JAM3: variants seen among roughly 807,000 people sequenced by gnomAD.
The protein encoded by JAM3 is junctional adhesion molecule C.
In JAM3, 31 loss-of-function variants were observed where a neutral mutation model predicts 39.4. The ratio of observed to expected loss-of-function variants is 0.79; its 90% confidence interval spans 0.59 to 1.06. The LOEUF (loss-of-function observed/expected upper bound fraction) is 1.06, where lower values mean the gene tolerates loss of function less well. JAM3 is among the 50% of genes least tolerant of loss of function. The pLI is 0.00. For synonymous variants in JAM3, 182 were observed against 148.7 expected, an observed-to-expected ratio of 1.22 and a Z score of -1.63; for missense variants, 455 against 391.4, an observed-to-expected ratio of 1.16 and a Z score of -1.37.
intron 1 of JAM3, among the ~76,000 whole-genome samples, chr11:134,073,138 C>G (rs1941510324): frequency 6.6e-6 from 1 of 152,110 alleles, no homozygotes; most frequent in Non-Finnish European, 1.5e-5. Flanking sequence ...AGAGCTAAAG[C>G]CTTAATTGAC....
At chr11:134,096,502 A>ATTATG (rs756197309) in intron 1 of JAM3, among the ~76,000 whole-genome samples, 7 of 152,016 alleles carry the variant, frequency 4.6e-5, no homozygotes, top group African/African-American at 1.7e-4. Flanking sequence ...GTAGTGTTTT[A>ATTATG]TTATGTTATG....
intron 6 of JAM3, among the ~76,000 whole-genome samples, chr11:134,146,261 C>G (rs1591809147): frequency 2.0e-5 from 3 of 152,304 alleles, no homozygotes; most frequent in East Asian, 3.9e-4. Flanking sequence ...CTTCTGGGAT[C>G]TGCTGGTGTT....
chr11:134,125,064 C>T, intron 1 of JAM3, among the ~76,000 whole-genome samples: 1 of 152,206 alleles, frequency 6.6e-6, no homozygotes. Flanking sequence ...CTTGCTGCTG[C>T]TCCTGCAGCC....
At chr11:134,105,097 A>G (rs991503387) in intron 1 of JAM3, among the ~76,000 whole-genome samples, 3 of 152,208 alleles carry the variant, frequency 2.0e-5, no homozygotes, top group East Asian at 1.9e-4. Flanking sequence ...CGATGCAAAA[A>G]TCCTCAATAA....
intron 1 of JAM3, among the ~76,000 whole-genome samples, chr11:134,086,481 T>G (rs985606105): frequency 1.3e-5 from 2 of 152,118 alleles, no homozygotes; most frequent in Non-Finnish European, 2.9e-5. Context: ...TTGACATTCT[T>G]GGATTTAAAA....
chr11:134,136,017 C>T (rs1942858804), intron 1 of JAM3, among the ~76,000 whole-genome samples: 1 of 152,018 alleles, frequency 6.6e-6, no homozygotes, highest in Non-Finnish European at 1.5e-5. Flanking sequence ...TTACATTGAG[C>T]TGAGATCACA....
chr11:134,073,655 G>T (rs1456842769), intron 1 of JAM3, among the ~76,000 whole-genome samples: 1 of 152,196 alleles, frequency 6.6e-6, no homozygotes, highest in Non-Finnish European at 1.5e-5. Context: ...AACATCGCCA[G>T]TCCTTAAAGA....
chr11:134,095,828 A>G (rs630723), intron 1 of JAM3, among the ~76,000 whole-genome samples: 7,360 of 152,224 alleles, frequency 0.048, 257 homozygotes, highest in Non-Finnish European at 0.075. Context: ...CTTAAACATA[A>G]CAAACATCTT....
chr11:134,134,422 AC>A (rs1451324651), intron 1 of JAM3, among the ~76,000 whole-genome samples: 78 of 142,866 alleles, frequency 5.5e-4, no homozygotes, highest in African/African-American at 1.4e-3. Context: ...AAAAAAAAAA[AC>A]ATCTAGGCAT....
intron 1 of JAM3, among the ~76,000 whole-genome samples, chr11:134,102,313 A>G (rs1476534611): frequency 6.6e-6 from 1 of 152,214 alleles, no homozygotes; most frequent in Non-Finnish European, 1.5e-5. Context: ...CCTGACTGTT[A>G]GAAGGAAAAC....
intron 6 of JAM3, among the ~76,000 whole-genome samples, chr11:134,146,568 A>G (rs1177569435): frequency 6.6e-6 from 1 of 151,576 alleles, no homozygotes; most frequent in Non-Finnish European, 1.5e-5. Flanking sequence ...TTTTCTTAAA[A>G]AACAAAAAAC....
At chr11:134,085,006 C>G (rs1941725895) in intron 1 of JAM3, among the ~76,000 whole-genome samples, 1 of 152,144 alleles carries the variant, frequency 6.6e-6, no homozygotes, top group Non-Finnish European at 1.5e-5. Flanking sequence ...GTTGTTCTTG[C>G]TGGGCATCTC....
At chr11:134,137,133 A>T (rs1942881532) in intron 1 of JAM3, among the ~76,000 whole-genome samples, 1 of 151,994 alleles carries the variant, frequency 6.6e-6, no homozygotes, top group Non-Finnish European at 1.5e-5. Flanking sequence ...AAAAAGAAGA[A>T]GAAGTATAAA....
chr11:134,097,536 T>G (rs1350361013), intron 1 of JAM3, among the ~76,000 whole-genome samples: 3 of 152,180 alleles, frequency 2.0e-5, no homozygotes, highest in African/African-American at 7.2e-5. Flanking sequence ...CACATCTTAT[T>G]GATACTGGGT....
chr11:134,090,291 C>T (rs1591774735), intron 1 of JAM3, among the ~76,000 whole-genome samples: 1 of 152,204 alleles, frequency 6.6e-6, no homozygotes. Flanking sequence ...TTTTGCTGTG[C>T]AGAAGCTCTT....
At chr11:134,102,102 G>A (rs1364581929) in intron 1 of JAM3, among the ~76,000 whole-genome samples, 2 of 152,132 alleles carry the variant, frequency 1.3e-5, no homozygotes, top group Non-Finnish European at 2.9e-5. Context: ...TTACGAAGTA[G>A]GCACTAATTT....
intron 1 of JAM3, among the ~76,000 whole-genome samples, chr11:134,112,467 A>T (rs189017169): frequency 3.9e-5 from 6 of 152,140 alleles, no homozygotes. Flanking sequence ...TCTAAATGAA[A>T]CTACTATGTG....
chr11:134,077,796 G>A (rs1245241076), intron 1 of JAM3, among the ~76,000 whole-genome samples: 4 of 151,072 alleles, frequency 2.6e-5, no homozygotes, highest in Non-Finnish European at 4.4e-5. Context: ...ACAGGTGCCC[G>A]CCACCATGCC....
intron 1 of JAM3, among the ~76,000 whole-genome samples, chr11:134,129,638 T>G (rs1942727051): frequency 6.6e-6 from 1 of 152,122 alleles, no homozygotes; most frequent in Admixed American, 6.6e-5. Flanking sequence ...CAGTTATTGG[T>G]GAAAGAAGGG....
Sources: allele counts gnomAD v4.1 joint callset (sites outside exome capture counted in the v4.1 genomes callset), GRCh38; gene constraint gnomAD v4.1.1; transcripts MANE v1.5; gene names NCBI Gene and HGNC (gene_info 2026-07-23, HGNC 2026-07-21).